The following ELN variants were observed in gnomAD, a reference collection of about 807,000 sequenced individuals.
ELN encodes the protein elastin, also known as tropoelastin.
In ELN, 65 loss-of-function variants were observed where a neutral mutation model predicts 105.8. The ratio of observed to expected loss-of-function variants is 0.61; its 90% CI spans 0.50 to 0.75. The LOEUF is 0.75. Among genes scored for constraint, ELN ranks in the 30% least tolerant of loss-of-function variants. The pLI, the probability that ELN is intolerant of heterozygous loss-of-function variation, is 0.00. For synonymous variants in ELN, 368 were observed against 389.2 expected (o/e 0.95, Z 0.64); for missense variants, 882 against 969.4 (o/e 0.91, Z 1.20).
rs8326 is a variant in ELN at position 74,069,359 on chromosome 7, G to C, written c.*659G>C. The C allele has an allele frequency of 0.18, 41,729 of 236,352 alleles. 5,790 individuals are homozygous for C. The highest frequency in any genetic ancestry group is 0.44 in the African/African-American group (20,079 of 45,336). 14.6% of individuals were successfully genotyped at this position (236,352 alleles called of 1,614,324 possible). ...CCGCCCATCCGTCCATTCATCCATC[G>C]GTCCGTCCATCCATGTCCCCAGTTG... On this transcript the variant is annotated 3_prime_UTR_variant, in exon 33 of 33. Coordinates refer to ENST00000252034, the MANE Select transcript of ELN (RefSeq NM_000501.4).
At chr7:74,062,047 A>G (rs374191129) in intron 26 of ELN, among the ~76,000 whole-genome samples, 110 of 152,310 alleles carry the variant, frequency 7.2e-4, no homozygotes, top group African/African-American at 2.5e-3. Flanking sequence ...TGGCAGTCCC[A>G]CAGCCTCTGC....
intron 2 of ELN, among the ~76,000 whole-genome samples, chr7:74,036,133 A>G (rs563562765): frequency 2.0e-5 from 3 of 151,832 alleles, no homozygotes; most frequent in Non-Finnish European, 4.4e-5. Context: ...TACTAAAAAT[A>G]CAAAAAATTA....
chr7:74,047,278 T>C (rs569780160), intron 12 of ELN, among the ~76,000 whole-genome samples: 4 of 152,182 alleles, frequency 2.6e-5, no homozygotes, highest in East Asian at 3.9e-4. Context: ...CAGAGACCCA[T>C]AGTCCCGATC....
rs782551181 is a variant in ELN at position 74,063,687 on chromosome 7, G to C, written c.1985G>C (p.Gly662Ala). ...GGGCTTGGAGTTCCAGGTGTTGGGGGCCTTGGAGGTGAGAGTTGTTCTGAA... is the reference window on the plus strand; with the variant it reads ...GGGCTTGGAGTTCCAGGTGTTGGGGCCCTTGGAGGTGAGAGTTGTTCTGAA... Reference protein sequence around the residue: ...VGGLGVPGVGGLGGIPPAAAA... With the variant: ...VGGLGVPGVGALGGIPPAAAA... Residue 662 changes from glycine to alanine, a missense_variant, in exon 29 of 33, where the codon GGC becomes GCC. By Grantham distance (60) the Gly-to-Ala change is moderately conservative (BLOSUM62 0). Transcript: ENST00000252034. This position sits in a 1 kb window ranked among gnomAD's most constrained non-coding sequence, Gnocchi z 4.1. The C allele has an allele frequency of 6.8e-6, 11 of 1,614,054 alleles. No homozygotes were observed. The highest frequency in any genetic ancestry group is 9.3e-6 in the Non-Finnish European group (11 of 1,180,028).
At position 74,064,535 on chromosome 7, in the gene ELN, G is replaced by C. The variant is rs534116917; in HGVS notation, c.1993+840G>C. Among the ~76,000 whole-genome samples, 427 of 151,936 alleles carry C rather than the reference G, an allele frequency of 2.8e-3. 1 individual carries two copies. The highest frequency in any genetic ancestry group is 4.9e-3 in the Non-Finnish European group (334 of 67,970). The stretch of plus-strand genomic sequence containing the variant: ...GGAGCCTGAGACAGGAGAATCACTT[G>C]AACCCAGGAGGCAGAAGTTGCAGTG... On this transcript the variant is annotated intron_variant, in intron 29 of 32. Coordinates refer to ENST00000252034, the MANE Select transcript of ELN (RefSeq NM_000501.4).
At chr7:74,047,200 G>T (rs1457037634) in intron 12 of ELN, among the ~76,000 whole-genome samples, 1 of 152,196 alleles carries the variant, frequency 6.6e-6, no homozygotes, top group Non-Finnish European at 1.5e-5. Context: ...CCCCTGTATG[G>T]TCACCAGCCA....
chr7:74,052,110 A>T (rs1309795111), intron 17 of ELN, 127 bp downstream of exon 17: 2 of 1,052,560 alleles, frequency 1.9e-6, no homozygotes, highest in Non-Finnish European at 2.8e-6. Context: ...ATGCCTCCTT[A>T]CCTTTGCCCC....
chr7:74,068,716 T>C lies in ELN; in HGVS notation c.*16T>C, dbSNP rs1261675400. 1.4e-5 allele frequency: 23 copies of C among 1,613,878 alleles called. No individual in the cohort carries two copies. The highest frequency in any genetic ancestry group is 1.9e-5 in the Non-Finnish European group (23 of 1,179,956). On this transcript the variant is annotated 3_prime_UTR_variant, in exon 33 of 33. Transcript: ENST00000252034. ...GAGAAAATGAGCTTCCTAGGACCCC[T>C]GACTCACGACCTCATCAACGTTGGT...
At chr7:74,056,620 G>C (rs1795290234) in intron 20 of ELN, 52 bp from the exon 21 acceptor site, 3 of 1,613,068 alleles carry the variant, frequency 1.9e-6, no homozygotes, top group Non-Finnish European at 2.5e-6. Flanking sequence ...ACGGCTCGGA[G>C]GAGACCCAGG....
intron 21 of ELN, chr7:74,057,417 C>A (rs782319099): frequency 6.6e-7 from 1 of 1,514,504 alleles, no homozygotes; most frequent in Admixed American, 2.2e-5. Flanking sequence ...TGGGCTAGTG[C>A]CAGGTGCCCC....
At chr7:74,058,285 G>GCTCCTT (rs58117419) in intron 22 of ELN, among the ~76,000 whole-genome samples, 144,236 of 149,606 alleles carry the variant, frequency 0.96, 69,540 homozygotes, top group Middle Eastern at 0.98. Flanking sequence ...TTCTTCCTCT[G>GCTCCTT]CTTCTTTCTC....
At chr7:74,029,405 C>A (rs934828328) in intron 1 of ELN, among the ~76,000 whole-genome samples, 16 of 151,942 alleles carry the variant, frequency 1.1e-4, no homozygotes, top group Admixed American at 9.2e-4. Flanking sequence ...GCTGCTATGC[C>A]GCGGCCAACG....
intron 1 of ELN, among the ~76,000 whole-genome samples, chr7:74,030,030 T>C (rs782437959): frequency 3.3e-5 from 5 of 152,194 alleles, no homozygotes; most frequent in Non-Finnish European, 7.3e-5. Context: ...GAATCAGCTC[T>C]CTCCTTGTGT....
intron 21 of ELN, chr7:74,057,314 A>C: frequency 7.9e-7 from 1 of 1,266,398 alleles, no homozygotes; most frequent in Non-Finnish European, 1.0e-6. Context: ...CGATTCTCCC[A>C]CCCACCCTTG....
chr7:74,038,157 G>T, intron 4 of ELN: 1 of 319,416 alleles, frequency 3.1e-6, no homozygotes, highest in East Asian at 7.9e-5. Context: ...CCCCTGAGTG[G>T]TCCCCTAGCC....
rs559756484 is a variant in ELN, at chr7:74,044,815, A to G, written c.470-407A>G. ...CTGGCATGGTCCCAGCTGTAGCTGG[A>G]TGGCTGCTTTGGGGGTCTGGGTTGT... On this transcript the variant is annotated intron_variant, in intron 9 of 32. Transcript: ENST00000252034. 5.3e-5 allele frequency among the ~76,000 whole-genome samples: 8 copies of G among 152,338 alleles called. No individual in the cohort carries two copies. In the South Asian group the frequency reaches 1.2e-3, roughly 24 times the overall value.
At chr7:74,055,500 G>A (rs1472954677) in intron 19 of ELN, among the ~76,000 whole-genome samples, 1 of 150,900 alleles carries the variant, frequency 6.6e-6, no homozygotes, top group Non-Finnish European at 1.5e-5. Context: ...TTTTTTCTGA[G>A]ATAGAGTCTC....
chr7:74,060,931 G>T (rs576656548), intron 25 of ELN, among the ~76,000 whole-genome samples, 170 bp from the exon 26 acceptor site: 5 of 152,320 alleles, frequency 3.3e-5, no homozygotes, highest in Non-Finnish European at 7.4e-5. Flanking sequence ...AGGGGCAGAC[G>T]GAAGGTGGAG....
chr7:74,035,990 A>G (rs1199504334), intron 2 of ELN, among the ~76,000 whole-genome samples: 1 of 152,050 alleles, frequency 6.6e-6, no homozygotes. Flanking sequence ...AATACTTTCA[A>G]TACTTAAAAA....
Sources: allele counts gnomAD v4.1 joint callset (sites outside exome capture counted in the v4.1 genomes callset), GRCh38; gene constraint gnomAD v4.1.1; non-coding constraint Gnocchi (gnomAD v3.1); transcripts MANE v1.5; gene names NCBI Gene and HGNC (gene_info 2026-07-23, HGNC 2026-07-21).